KCTD8: variants seen among roughly 807,000 people sequenced by gnomAD.
The protein encoded by KCTD8 is potassium channel tetramerization domain containing 8, also known as BTB/POZ domain-containing protein KCTD8.
A neutral mutation model predicts 31.5 loss-of-function variants in KCTD8; 27 were observed. That is an observed-to-expected ratio of 0.86 (90% CI 0.63 to 1.18). KCTD8 has a LOEUF of 1.18. Among genes scored for constraint, KCTD8 ranks in the 50% most tolerant of loss-of-function variants. The probability of loss-of-function intolerance (pLI) is 0.00; values close to 1 mark genes in which losing one functional copy is unlikely to be tolerated. For synonymous variants in KCTD8, 290 were observed against 280.0 expected, an observed-to-expected ratio of 1.04 and a Z score of -0.36; for missense variants, 658 against 647.7, an observed-to-expected ratio of 1.02 and a Z score of -0.17.
intron 1 of KCTD8, among the ~76,000 whole-genome samples, chr4:44,300,132 A>T (rs1717565913): frequency 6.6e-6 from 1 of 152,176 alleles, no homozygotes; most frequent in South Asian, 2.1e-4. Flanking sequence ...AAAATAACCT[A>T]CAGAGGTGTA....
chr4:44,210,325 T>G (rs555847459), intron 1 of KCTD8, among the ~76,000 whole-genome samples: 1 of 152,352 alleles, frequency 6.6e-6, no homozygotes, highest in South Asian at 2.1e-4. Context: ...AATCATATGC[T>G]AAGGCATTTT....
intron 1 of KCTD8, among the ~76,000 whole-genome samples, chr4:44,440,130 G>A (rs1427210254): frequency 4.0e-5 from 6 of 151,582 alleles, no homozygotes. Flanking sequence ...ATGGGATTTT[G>A]CCATGTTGGC....
At chr4:44,222,004 A>C (rs1273976848) in intron 1 of KCTD8, among the ~76,000 whole-genome samples, 1 of 152,184 alleles carries the variant, frequency 6.6e-6, no homozygotes, top group African/African-American at 2.4e-5. Context: ...TTCAACAATA[A>C]AATCAATAAC....
Position 44,388,725 on chromosome 4 carries a change from G to A in KCTD8, c.961+58838C>T, listed in dbSNP as rs181300146. 7.9e-5 allele frequency among the ~76,000 whole-genome samples: 12 copies of A among 151,716 alleles called. No homozygotes were observed. The East Asian group carries it at 1.9e-3, about 25-fold the overall frequency. On this transcript the variant is annotated intron_variant, in intron 1 of 1. Transcript: ENST00000360029. ...AGAGGGTGGAGGGTGGGAGGAGGAA[G>A]AGGATCAGGAAAAACAACTAATGAG...
intron 1 of KCTD8, among the ~76,000 whole-genome samples, chr4:44,270,049 C>A (rs1462323120): frequency 1.3e-5 from 2 of 151,942 alleles, no homozygotes; most frequent in Non-Finnish European, 2.9e-5. Context: ...GGGTATATAC[C>A]CAAAGGACTA....
At chr4:44,197,617 T>A (rs1239601653) in intron 1 of KCTD8, among the ~76,000 whole-genome samples, 1 of 152,016 alleles carries the variant, frequency 6.6e-6, no homozygotes, top group Non-Finnish European at 1.5e-5. Flanking sequence ...CAAATAAAGA[T>A]CCTGTACAGA....
At chr4:44,429,928 G>A (rs1440536967) in intron 1 of KCTD8, among the ~76,000 whole-genome samples, 1 of 151,348 alleles carries the variant, frequency 6.6e-6, no homozygotes, top group Non-Finnish European at 1.5e-5. Context: ...TGAAGGAGCA[G>A]GAAGATTAAT....
At chr4:44,435,117 G>GT (rs1721610974) in intron 1 of KCTD8, among the ~76,000 whole-genome samples, 3 of 151,980 alleles carry the variant, frequency 2.0e-5, no homozygotes, top group Admixed American at 6.6e-5. Context: ...TTTCTTCCTT[G>GT]TTTTTTACTT....
intron 1 of KCTD8, among the ~76,000 whole-genome samples, chr4:44,334,024 A>G (rs1718654227): frequency 6.6e-6 from 1 of 152,158 alleles, no homozygotes; most frequent in Non-Finnish European, 1.5e-5. Context: ...CTACCCATTT[A>G]TAGCTAATTT....
chr4:44,425,720 G>A (rs1299268336), intron 1 of KCTD8, among the ~76,000 whole-genome samples: 2 of 151,970 alleles, frequency 1.3e-5, no homozygotes, highest in African/African-American at 4.8e-5. Context: ...TAGGACAAAA[G>A]ATAGAGGGAG....
At chr4:44,347,951 G>A (rs548452873) in intron 1 of KCTD8, among the ~76,000 whole-genome samples, 3 of 152,238 alleles carry the variant, frequency 2.0e-5, no homozygotes, top group South Asian at 4.1e-4. Flanking sequence ...AAGTCAGCAA[G>A]TTACCTTCAT....
intron 1 of KCTD8, chr4:44,293,967 A>C (rs896426254): frequency 3.4e-6 from 1 of 293,054 alleles, no homozygotes; most frequent in African/African-American, 2.2e-5. Flanking sequence ...CAAAGATTTA[A>C]CATCACTAAT....
chr4:44,431,635 C>T (rs1721509082), intron 1 of KCTD8, among the ~76,000 whole-genome samples: 1 of 151,482 alleles, frequency 6.6e-6, no homozygotes, highest in Non-Finnish European at 1.5e-5. Context: ...ATTCTAGTCT[C>T]CTGTATCCAA....
intron 1 of KCTD8, among the ~76,000 whole-genome samples, chr4:44,255,719 T>A (rs1715971214): frequency 6.6e-6 from 1 of 151,852 alleles, no homozygotes. Flanking sequence ...TATCCCTGCC[T>A]GATGTTATAC....
At chr4:44,272,339 T>A (rs2109373196) in intron 1 of KCTD8, among the ~76,000 whole-genome samples, 1 of 151,810 alleles carries the variant, frequency 6.6e-6, no homozygotes, top group South Asian at 2.1e-4. Context: ...GCAAAAAAAT[T>A]TTTTTAAAAA....
At chr4:44,295,429 G>C (rs936245275) in intron 1 of KCTD8, among the ~76,000 whole-genome samples, 5 of 152,088 alleles carry the variant, frequency 3.3e-5, no homozygotes, top group Admixed American at 2.0e-4. Context: ...AGACCCAAGA[G>C]AGCCCCTTTT....
At chr4:44,347,263 T>C (rs1244926808) in intron 1 of KCTD8, among the ~76,000 whole-genome samples, 1 of 152,164 alleles carries the variant, frequency 6.6e-6, no homozygotes, top group Non-Finnish European at 1.5e-5. Flanking sequence ...GTCATCTGAG[T>C]TTCTCTTGTT....
At chr4:44,211,683 G>A (rs1714488688) in intron 1 of KCTD8, among the ~76,000 whole-genome samples, 1 of 152,062 alleles carries the variant, frequency 6.6e-6, no homozygotes, top group African/African-American at 2.4e-5. Flanking sequence ...AGTATATCAT[G>A]AGTAGAAACA....
At chr4:44,219,716 T>C (rs575806137) in intron 1 of KCTD8, among the ~76,000 whole-genome samples, 1 of 152,284 alleles carries the variant, frequency 6.6e-6, no homozygotes, top group East Asian at 1.9e-4. Context: ...CCAATTGTGG[T>C]GATTTGTTAC....
Sources: gnomAD v4.1 joint callset for allele counts (sites outside exome capture counted in the v4.1 genomes callset) on GRCh38, gnomAD v4.1.1 for gene constraint, MANE v1.5 for transcripts, NCBI Gene and HGNC (gene_info 2026-07-23, HGNC 2026-07-21) for gene names.